RNASEH2B: variants seen among roughly 807,000 people sequenced by gnomAD.
RNASEH2B encodes ribonuclease H2 subunit B.
RNASEH2B carries 36 observed loss-of-function variants against 45.0 expected under a neutral mutation model. The observed-to-expected ratio is 0.80, with a 90% CI of 0.61 to 1.06. The LOEUF (loss-of-function observed/expected upper bound fraction) is 1.06. RNASEH2B is among the 50% of genes least tolerant of loss of function. The pLI is 0.00. For synonymous variants in RNASEH2B, 119 were observed against 125.7 expected (o/e 0.95, Z 0.35); for missense variants, 361 against 360.3 (o/e 1.00, Z -0.02).
At chr13:50,969,529 A>G (rs1239205779) in intron 9 of RNASEH2B, among the ~76,000 whole-genome samples, 1 of 151,736 alleles carries the variant, frequency 6.6e-6, no homozygotes, top group Non-Finnish European at 1.5e-5. Context: ...CTACAAAAAA[A>G]AAAAAAAAAG....
Position 50,910,008 on chromosome 13 carries a change from T to G in RNASEH2B, c.-69T>G. On this transcript the variant is annotated 5_prime_UTR_variant, in exon 1 of 11. Transcript: ENST00000336617. ...CCCGGAACAGACCCTTCTCCCGCCA[T>G]TTTCGGCGGGGCTGGGAGACTGAGG... 2 of 1,357,976 alleles carry G rather than the reference T, an allele frequency of 1.5e-6. No homozygotes were observed. The highest frequency in any genetic ancestry group is 2.0e-6 in the Non-Finnish European group (2 of 1,017,870). 84.1% of individuals were successfully genotyped at this position (1,357,976 alleles called of 1,614,324 possible). A position where few individuals can be genotyped will look rare whatever the true frequency, so the allele number is the denominator to read the frequency against.
At chr13:50,953,324 T>C (rs2138017992) in intron 9 of RNASEH2B, 1 of 154,690 alleles carries the variant, frequency 6.5e-6, no homozygotes, top group East Asian at 1.9e-4. Flanking sequence ...GAACACTGTA[T>C]CAGAATTGAA....
At chr13:50,967,540 G>T (rs1952177760) in intron 9 of RNASEH2B, among the ~76,000 whole-genome samples, 1 of 152,142 alleles carries the variant, frequency 6.6e-6, no homozygotes, top group Non-Finnish European at 1.5e-5. Context: ...GGGAAGGTCA[G>T]CTCATTTCCC....
At chr13:50,941,007 G>A (rs1260489391) in intron 5 of RNASEH2B, 1 of 152,156 alleles carries the variant, frequency 6.6e-6, no homozygotes, top group Non-Finnish European at 1.5e-5. Flanking sequence ...GTCACTCAGA[G>A]CCAGTCTTCG....
Position 50,930,744 on chromosome 13 carries a change from AAAGGCTGAT to A in RNASEH2B, c.311_319del (p.Ala104_Lys106del). 6 of 1,613,134 alleles carry A rather than the reference AAAGGCTGAT, an allele frequency of 3.7e-6. No individual in the cohort carries two copies. The highest frequency in any genetic ancestry group is 5.1e-6 in the Non-Finnish European group (6 of 1,179,096). ...TATTTCTGCTTCTCCACTACCTCAT[AAAGGCTGAT>A]AAGGAGGTGAGTTTCCAGCTCGGAG... On this transcript the variant is annotated inframe_deletion, in exon 4 of 11. Transcript: ENST00000336617.
intron 2 of RNASEH2B, 28 bp downstream of exon 2, chr13:50,927,506 T>A: frequency 7.2e-7 from 1 of 1,391,276 alleles, no homozygotes; most frequent in Non-Finnish European, 1.0e-6. Flanking sequence ...AACTTGAATG[T>A]TCTTAAATGT....
At chr13:50,937,779 A>G (rs1251063133) in intron 5 of RNASEH2B, 1 of 152,236 alleles carries the variant, frequency 6.6e-6, no homozygotes, top group East Asian at 1.9e-4. Context: ...TTATCAGCAA[A>G]TGAAGAATAA....
chr13:50,953,814 G>T, intron 9 of RNASEH2B, 91 bp from the exon 10 acceptor site: 1 of 841,634 alleles, frequency 1.2e-6, no homozygotes, highest in Non-Finnish European at 2.0e-6. Context: ...CCTCTGTAGA[G>T]GTCTAAATTA....
intron 9 of RNASEH2B, chr13:50,952,186 A>G (rs1951984885): frequency 6.6e-6 from 1 of 152,182 alleles, no homozygotes; most frequent in Admixed American, 6.5e-5. Flanking sequence ...AAAAAAGGGA[A>G]TAATGTCTAA....
chr13:50,930,823 C>T, intron 4 of RNASEH2B, 64 bp downstream of exon 4: 1 of 1,154,458 alleles, frequency 8.7e-7, no homozygotes. Flanking sequence ...GTTTGATCTC[C>T]TCTCTCTCCT....
intron 1 of RNASEH2B, among the ~76,000 whole-genome samples, chr13:50,913,403 T>G (rs1339498940): frequency 6.6e-6 from 1 of 152,096 alleles, no homozygotes; most frequent in East Asian, 1.9e-4. Context: ...TTTAGAAGAC[T>G]GCATTTATTG....
At chr13:50,948,982 A>G (rs1339019962) in intron 8 of RNASEH2B, 1 of 161,008 alleles carries the variant, frequency 6.2e-6, no homozygotes, top group Non-Finnish European at 1.4e-5. Context: ...CATTGTTTGT[A>G]TAGATTCCTT....
At chr13:50,915,524 T>C (rs1879689220) in intron 1 of RNASEH2B, 3 of 398,538 alleles carry the variant, frequency 7.5e-6, no homozygotes, top group Non-Finnish European at 1.3e-5. Context: ...TGATTATTCA[T>C]TTAAGTGCCA....
rs79310911 is a variant in RNASEH2B, at chr13:50,943,372, C to T, written c.488C>T (p.Thr163Ile). 16 of 1,605,708 alleles carry T rather than the reference C, an allele frequency of 1.0e-5. No homozygotes were observed. Among genetic ancestry groups the T allele is most frequent in the Admixed American group, 1.7e-5 (1 of 59,928 alleles). ...KKYYKYSKEK[T>I]LKWLEKKVNQ... ...TATTACAAGTACAGCAAAGAGAAGA[C>T]ATTAAAGTGGCTGGAAAAAAAGGTA... The change falls in exon 6 of 11, where the codon ACA becomes ATA. Residue 163 changes from threonine (T) to isoleucine (I), a missense_variant. Transcript: ENST00000336617.
At chr13:50,941,766 C>T (rs921902341) in intron 5 of RNASEH2B, 2 of 152,176 alleles carry the variant, frequency 1.3e-5, no homozygotes, top group Non-Finnish European at 2.9e-5. Flanking sequence ...GTAGTCCTGG[C>T]TCCAAAACAG....
rs1416316287 is a variant in RNASEH2B at position 50,954,385 on chromosome 13, C to T, written c.822+400C>T. On this transcript the variant is annotated intron_variant, in intron 10 of 10. Transcript: ENST00000336617. ...TGGCAAATGGCATTTTGGTAACAGT[C>T]CTTACTTAGTTTTATACATGCATTA... is the stretch of plus-strand genomic sequence containing the variant. 8.4e-6 allele frequency: 3 copies of T among 358,010 alleles called. No homozygotes were observed. In the East Asian group the frequency reaches 1.5e-4, roughly 18 times the overall value. 22.2% of individuals were successfully genotyped at this position (358,010 alleles called of 1,614,324 possible).
At chr13:50,958,586 T>C (rs1277711805), downstream of RNASEH2B, among the ~76,000 whole-genome samples, 23 of 152,170 alleles carry the variant, frequency 1.5e-4, 1 homozygote, top group Non-Finnish European at 8.8e-5. Flanking sequence ...TTTTTTTTGG[T>C]TCCATATGAA....
At chr13:50,910,163 C>A in intron 1 of RNASEH2B, 23 bp downstream of exon 1, 2 of 1,365,530 alleles carry the variant, frequency 1.5e-6, no homozygotes, top group South Asian at 3.0e-5. Flanking sequence ...GCCCGGGCGG[C>A]GGGGTCGGCC....
intron 1 of RNASEH2B, chr13:50,911,658 T>A (rs776428771): frequency 4.6e-5 from 7 of 152,204 alleles, no homozygotes; most frequent in Non-Finnish European, 8.8e-5. Context: ...TAAAAACGTT[T>A]GGGTGGTAAA....
Sources: gnomAD v4.1 joint callset for allele counts (sites outside exome capture counted in the v4.1 genomes callset) on GRCh38, gnomAD v4.1.1 for gene constraint, MANE v1.5 for transcripts, NCBI Gene and HGNC (gene_info 2026-07-23, HGNC 2026-07-21) for gene names.